HS6ST1: variants seen among roughly 807,000 people sequenced by gnomAD.
The protein encoded by HS6ST1 is heparan-sulfate 6-O-sulfotransferase 1.
Under a neutral mutation model 25.2 loss-of-function variants are expected in HS6ST1, and 3 were observed. The ratio of observed to expected loss-of-function variants is 0.12; its 90% CI spans 0.05 to 0.31. The LOEUF (loss-of-function observed/expected upper bound fraction) is 0.31, where lower values mean the gene tolerates loss of function less well. Among genes scored for constraint, HS6ST1 ranks in the 10% least tolerant of loss-of-function variants. HS6ST1 has a pLI of 1.00. For synonymous variants in HS6ST1, 204 were observed against 275.1 expected, an observed-to-expected ratio of 0.74 and a Z score of 2.56; for missense variants, 310 against 609.6, an observed-to-expected ratio of 0.51 and a Z score of 5.18.
rs369300010 is a variant in HS6ST1 at position 128,268,705 on chromosome 2, C to A, written c.693G>T (p.Ser231=). The A allele has an allele frequency of 1.9e-6, 3 of 1,612,062 alleles. No individual in the cohort carries two copies. Among genetic ancestry groups the A allele is most frequent in the Non-Finnish European group, 2.5e-6 (3 of 1,179,878 alleles). The change falls in exon 2 of 2, where the codon TCG becomes TCT. Residue 231 remains serine (S), a synonymous_variant. Transcript: ENST00000259241. ...CCATGAACTCCTGTAGCGTGCAGCC[C>A]GACCAGTCCGTGCCCTCGTAGCAGG... ...LPPCYEGTDW[S]GCTLQEFMDC... is the part of the protein sequence containing the mutation.
chr2:128,277,694 G>A (rs1693716938), intron 1 of HS6ST1, among the ~76,000 whole-genome samples: 1 of 152,250 alleles, frequency 6.6e-6, no homozygotes. Context: ...ACCAAGGAGG[G>A]TCCGGTTCAC....
chr2:128,304,310 C>T (rs561232383), intron 1 of HS6ST1, among the ~76,000 whole-genome samples: 2 of 152,332 alleles, frequency 1.3e-5, no homozygotes, highest in East Asian at 1.9e-4. Context: ...CCATGCTCGT[C>T]CTCTTGAAGT....
In HS6ST1 at chr2:128,268,648, C is replaced by T. The variant is rs763271367; in HGVS notation, c.750G>A (p.Gln250=). ...DCPYNLANNR[Q]VRMLADLSLV... Reference sequence around the variant, plus strand: ...GGCTCAGGTCGGCCAGCATGCGCACCTGGCGGTTGTTGGCCAGGTTGTACG... The same window carrying T: ...GGCTCAGGTCGGCCAGCATGCGCACTTGGCGGTTGTTGGCCAGGTTGTACG... The change falls in exon 2 of 2, where the codon CAG becomes CAA. Residue 250 remains glutamine (Q), a synonymous_variant. Coordinates refer to ENST00000259241, the MANE Select transcript of HS6ST1 (RefSeq NM_004807.3). 5.0e-6 allele frequency: 8 copies of T among 1,610,680 alleles called. No homozygotes were observed. The highest frequency in any genetic ancestry group is 5.9e-6 in the Non-Finnish European group (7 of 1,179,356).
chr2:128,285,324 C>T (rs1433579538), intron 1 of HS6ST1, among the ~76,000 whole-genome samples: 1 of 152,166 alleles, frequency 6.6e-6, no homozygotes, highest in Non-Finnish European at 1.5e-5. Context: ...GTTCTGGGCG[C>T]ACCCCACTCC....
chr2:128,303,233 C>T (rs546944351), intron 1 of HS6ST1, among the ~76,000 whole-genome samples: 1 of 152,338 alleles, frequency 6.6e-6, no homozygotes, highest in African/African-American at 2.4e-5. Context: ...CCAAGAGGTG[C>T]TTTGCAGCAT....
At chr2:128,282,631 G>T (rs1693805283) in intron 1 of HS6ST1, among the ~76,000 whole-genome samples, 1 of 152,232 alleles carries the variant, frequency 6.6e-6, no homozygotes, top group Admixed American at 6.5e-5. Flanking sequence ...TCCCTGCAAG[G>T]CAGGAAGTGG....
chr2:128,303,774 G>A (rs941231836), intron 1 of HS6ST1, among the ~76,000 whole-genome samples: 1 of 152,232 alleles, frequency 6.6e-6, no homozygotes, highest in African/African-American at 2.4e-5. Context: ...AGGCCACTGT[G>A]GTGGCTACTT....
chr2:128,270,682 G>A (rs1365186631), intron 1 of HS6ST1, among the ~76,000 whole-genome samples: 1 of 152,214 alleles, frequency 6.6e-6, no homozygotes, highest in African/African-American at 2.4e-5. Flanking sequence ...TGTGTCCAGG[G>A]GAGGCATAGG....
chr2:128,298,867 C>T (rs927875286), intron 1 of HS6ST1, among the ~76,000 whole-genome samples: 3 of 152,242 alleles, frequency 2.0e-5, no homozygotes, highest in Admixed American at 2.0e-4. Flanking sequence ...CAACGAGTGT[C>T]CTCAAGAGCC....
chr2:128,272,491 G>T (rs1203724387), intron 1 of HS6ST1, among the ~76,000 whole-genome samples: 1 of 152,224 alleles, frequency 6.6e-6, no homozygotes, highest in East Asian at 1.9e-4. Flanking sequence ...CATCACGGGT[G>T]GGGGTGGCAG....
chr2:128,317,896 G>C, intron 1 of HS6ST1, 141 bp downstream of exon 1: 2 of 1,025,362 alleles, frequency 2.0e-6, no homozygotes, highest in South Asian at 2.6e-5. Flanking sequence ...TCGGCAGGTC[G>C]GGAGGGGTGC....
At chr2:128,298,551 G>A (rs1005627235) in intron 1 of HS6ST1, among the ~76,000 whole-genome samples, 2 of 152,158 alleles carry the variant, frequency 1.3e-5, no homozygotes, top group Non-Finnish European at 2.9e-5. Flanking sequence ...ATTATGCTAA[G>A]CCAGTCGTGA....
At chr2:128,276,444 T>A (rs547913374) in intron 1 of HS6ST1, among the ~76,000 whole-genome samples, 7 of 152,122 alleles carry the variant, frequency 4.6e-5, no homozygotes, top group African/African-American at 1.7e-4. Flanking sequence ...CCTGTTTTTT[T>A]AAAAAAGTGA....
chr2:128,318,539 T>C lies in HS6ST1; in HGVS notation c.25A>G (p.Arg9Gly). Residue 9 changes from arginine (R) to glycine (G), a missense_variant, in exon 1 of 2, where the codon AGG becomes GGG. Physicochemically the swap from Arg to Gly is moderately radical, Grantham distance 125 (BLOSUM62 -2). Around this residue, in one of 5 missense-constraint regions of HS6ST1, gnomAD observed 63 missense variants for 105.4 expected, o/e 0.60. Coordinates refer to ENST00000259241, the MANE Select transcript of HS6ST1 (RefSeq NM_004807.3). The surrounding 1 kb of genome is among the most constrained non-coding windows in gnomAD (Gnocchi z 5.7). ...TTGCTGGCGCGCTCAACCATGGTCC[T>C]GCCGCCGGCGCGCCGCCGCCGCATG... MRRRRAGG[R>G]TMVERASKFV... The C allele has an allele frequency of 6.7e-7, 1 of 1,497,452 alleles. No individual in the cohort carries two copies. Among genetic ancestry groups the C allele is most frequent in the Non-Finnish European group, 8.8e-7 (1 of 1,131,004 alleles). 92.8% of individuals were successfully genotyped at this position (1,497,452 alleles called of 1,614,324 possible). A position where few individuals can be genotyped will look rare whatever the true frequency, so the allele number is the denominator to read the frequency against.
At position 128,267,261 on chromosome 2, in the gene HS6ST1, A is replaced by G. The variant is rs1382134274; in HGVS notation, c.*901T>C. 1 of 152,010 alleles carries G rather than the reference A, an allele frequency of 6.6e-6. No individual in the cohort carries two copies. Among genetic ancestry groups the G allele is most frequent in the African/African-American group, 2.4e-5 (1 of 41,354 alleles). 9.4% of individuals were successfully genotyped at this position (152,010 alleles called of 1,614,324 possible). A position where few individuals can be genotyped will look rare whatever the true frequency, so the allele number is the denominator to read the frequency against. ...AAATCCCAGTGGGTCAGAAAGGAGA[A>G]CAGAGGCAGGGGAGCCCTCGGTCCC... On this transcript the variant is annotated 3_prime_UTR_variant, in exon 2 of 2. Coordinates refer to ENST00000259241, the MANE Select transcript of HS6ST1 (RefSeq NM_004807.3).
rs113024106 is a variant in HS6ST1 at position 128,300,272 on chromosome 2, G to T, written c.527+17765C>A. Among the ~76,000 whole-genome samples, 925 of 152,256 alleles carry T rather than the reference G, an allele frequency of 6.1e-3. 11 individuals are homozygous for T. The highest frequency in any genetic ancestry group is 0.022 in the African/African-American group (894 of 41,542). ...ACAGCGGAGCCTGCCCTCCGGAGAG[G>T]GCCTGCAGCCCCAGGACACAGCTAC... On this transcript the variant is annotated intron_variant, in intron 1 of 1. Transcript: ENST00000259241.
chr2:128,293,610 G>A (rs893169589), intron 1 of HS6ST1, among the ~76,000 whole-genome samples: 1 of 152,220 alleles, frequency 6.6e-6, no homozygotes, highest in African/African-American at 2.4e-5. Flanking sequence ...CAAAACCAGG[G>A]GCTGGTATGG....
At chr2:128,292,202 T>A (rs1693963734) in intron 1 of HS6ST1, among the ~76,000 whole-genome samples, 1 of 152,010 alleles carries the variant, frequency 6.6e-6, no homozygotes, top group Admixed American at 6.5e-5. Flanking sequence ...GACCACCTGG[T>A]GAAGGTGTGG....
intron 1 of HS6ST1, among the ~76,000 whole-genome samples, chr2:128,277,118 G>C (rs1356582608): frequency 1.3e-5 from 2 of 152,190 alleles, no homozygotes; most frequent in African/African-American, 2.4e-5. Context: ...CCAGGAGTAG[G>C]AGTGCCTTGG....
Sources: gnomAD v4.1 joint callset for allele counts (sites outside exome capture counted in the v4.1 genomes callset) on GRCh38, gnomAD v4.1.1 for gene constraint, gnomAD v4.1.1 regional missense constraint, Gnocchi (gnomAD v3.1) non-coding constraint, MANE v1.5 for transcripts, NCBI Gene and HGNC (gene_info 2026-07-23, HGNC 2026-07-21) for gene names.